Variants in BTBD9 observed in about 807,000 individuals in gnomAD.
The protein encoded by BTBD9 is BTB domain containing 9, also known as BTB/POZ domain-containing protein 9.
A neutral mutation model predicts 64.3 loss-of-function variants in BTBD9; 49 were observed. That is an observed-to-expected ratio of 0.76 (90% confidence interval 0.61 to 0.97). The LOEUF (loss-of-function observed/expected upper bound fraction) is 0.97, where lower values mean the gene tolerates loss of function less well. Ranked by LOEUF, BTBD9 falls within the 50% of genes least tolerant of loss-of-function variation. The probability of loss-of-function intolerance (pLI) is 0.00; values close to 1 mark genes in which losing one functional copy is unlikely to be tolerated. For synonymous variants in BTBD9, 260 were observed against 274.7 expected, an observed-to-expected ratio of 0.95 and a Z score of 0.53; for missense variants, 598 against 762.1, an observed-to-expected ratio of 0.78 and a Z score of 2.53.
chr6:38,571,599 T>C (rs546152875), intron 6 of BTBD9: 1 of 152,210 alleles, frequency 6.6e-6, no homozygotes, highest in Non-Finnish European at 1.5e-5. Context: ...TCTCCCACAG[T>C]AGACCAGCTA....
chr6:38,307,458 A>G (rs1316677644), intron 7 of BTBD9, among the ~76,000 whole-genome samples: 1 of 152,182 alleles, frequency 6.6e-6, no homozygotes, highest in Non-Finnish European at 1.5e-5. Context: ...TCCTTTCCCA[A>G]AGTTTCCCCC....
At chr6:38,186,781 G>A (rs942578946) in intron 10 of BTBD9, among the ~76,000 whole-genome samples, 1 of 152,168 alleles carries the variant, frequency 6.6e-6, no homozygotes, top group Non-Finnish European at 1.5e-5. Flanking sequence ...CTTGGTAAAA[G>A]CTTTCATGTA....
chr6:38,411,408 G>A (rs895189529), intron 6 of BTBD9, among the ~76,000 whole-genome samples: 6 of 152,176 alleles, frequency 3.9e-5, no homozygotes, highest in African/African-American at 1.4e-4. Flanking sequence ...ATTTGAAATT[G>A]TATGTTTATT....
At chr6:38,418,759 C>A (rs767148476) in intron 6 of BTBD9, among the ~76,000 whole-genome samples, 32 of 152,084 alleles carry the variant, frequency 2.1e-4, no homozygotes, top group Non-Finnish European at 8.8e-5. Flanking sequence ...TTCTTTTAGA[C>A]CTCAGGAATG....
chr6:38,435,614 C>CCTT (rs1768683175), intron 6 of BTBD9, among the ~76,000 whole-genome samples: 4 of 3,838 alleles, frequency 1.0e-3, no homozygotes, highest in East Asian at 5.2e-3. Context: ...TTCCTTCCTT[C>CCTT]CCTCCCCCTC....
chr6:38,224,923 A>C (rs957416606), intron 9 of BTBD9, among the ~76,000 whole-genome samples: 3 of 152,244 alleles, frequency 2.0e-5, no homozygotes, highest in African/African-American at 7.2e-5. Flanking sequence ...GCAGTTCTAT[A>C]ATCTAACTGG....
intron 9 of BTBD9, among the ~76,000 whole-genome samples, chr6:38,254,052 C>A (rs1764491874): frequency 1.3e-5 from 2 of 149,480 alleles, no homozygotes; most frequent in Admixed American, 1.3e-4. Context: ...GAGTGGAAGG[C>A]ATGTATGCTA....
chr6:38,373,124 C>G (rs940383575), intron 6 of BTBD9, among the ~76,000 whole-genome samples: 5 of 152,140 alleles, frequency 3.3e-5, no homozygotes, highest in African/African-American at 1.2e-4. Flanking sequence ...TACATATTCA[C>G]AAGAGATCAA....
intron 6 of BTBD9, among the ~76,000 whole-genome samples, chr6:38,570,120 A>C (rs1428927354): frequency 1.3e-5 from 2 of 152,152 alleles, no homozygotes; most frequent in Non-Finnish European, 2.9e-5. Flanking sequence ...ATTTTAAAAC[A>C]GAAAATATCC....
intron 6 of BTBD9, among the ~76,000 whole-genome samples, chr6:38,478,273 C>T (rs779050135): frequency 8.5e-5 from 13 of 152,152 alleles, no homozygotes; most frequent in African/African-American, 2.9e-4. Context: ...CTCTCATGAG[C>T]TTTGCCACCT....
chr6:38,432,305 C>T (rs1012994965), intron 6 of BTBD9, among the ~76,000 whole-genome samples: 3 of 152,132 alleles, frequency 2.0e-5, no homozygotes, highest in East Asian at 3.9e-4. Flanking sequence ...AGAGAAATCT[C>T]GCATGGCTGA....
intron 9 of BTBD9, among the ~76,000 whole-genome samples, chr6:38,236,528 G>A (rs1001053659): frequency 3.3e-5 from 5 of 152,286 alleles, no homozygotes; most frequent in African/African-American, 7.2e-5. Flanking sequence ...GCCAACACAC[G>A]CAGGTCTGTA....
At chr6:38,411,098 C>T (rs572215607) in intron 6 of BTBD9, among the ~76,000 whole-genome samples, 11 of 152,208 alleles carry the variant, frequency 7.2e-5, no homozygotes, top group African/African-American at 2.4e-4. Flanking sequence ...TGAAAGTAGA[C>T]TTGCACGCCG....
intron 6 of BTBD9, among the ~76,000 whole-genome samples, chr6:38,473,000 C>A (rs1770718351): frequency 6.6e-6 from 1 of 152,126 alleles, no homozygotes; most frequent in Non-Finnish European, 1.5e-5. Flanking sequence ...ACCATGGAAG[C>A]TCCTGAAATT....
intron 6 of BTBD9, among the ~76,000 whole-genome samples, chr6:38,379,363 G>T (rs1383092485): frequency 6.6e-6 from 1 of 152,166 alleles, no homozygotes; most frequent in Non-Finnish European, 1.5e-5. Flanking sequence ...TAATTCAAAA[G>T]ACTTGAATAT....
intron 9 of BTBD9, among the ~76,000 whole-genome samples, chr6:38,213,377 T>C (rs1561881090): frequency 6.6e-6 from 1 of 151,850 alleles, no homozygotes; most frequent in Non-Finnish European, 1.5e-5. Context: ...AAAAAATCTC[T>C]GGAGTAAAAA....
chr6:38,251,891 C>CAAAAAAA (rs534067503), intron 9 of BTBD9, among the ~76,000 whole-genome samples: 1 of 73,154 alleles, frequency 1.4e-5, no homozygotes, highest in Non-Finnish European at 2.7e-5. Flanking sequence ...GACTCTGTCT[C>CAAAAAAA]AAAAAAAAAA....
At chr6:38,345,632 T>C (rs1348439073) in intron 6 of BTBD9, among the ~76,000 whole-genome samples, 1 of 152,256 alleles carries the variant, frequency 6.6e-6, no homozygotes, top group Non-Finnish European at 1.5e-5. Flanking sequence ...TCCTAAATCT[T>C]TGTTAGGAAG....
At chr6:38,267,426 A>C (rs1765049038) in intron 8 of BTBD9, among the ~76,000 whole-genome samples, 1 of 152,232 alleles carries the variant, frequency 6.6e-6, no homozygotes, top group African/African-American at 2.4e-5. Flanking sequence ...AAAAGGCCCC[A>C]GTGTGGGCCT....
Sources: gnomAD v4.1 joint callset for allele counts (sites outside exome capture counted in the v4.1 genomes callset) on GRCh38, gnomAD v4.1.1 for gene constraint, MANE v1.5 for transcripts, NCBI Gene and HGNC (gene_info 2026-07-23, HGNC 2026-07-21) for gene names.